CAMTA1: variants seen among roughly 807,000 people sequenced by gnomAD.
CAMTA1 encodes calmodulin binding transcription activator 1.
CAMTA1 carries 27 observed loss-of-function variants against 170.9 expected under a neutral mutation model. That is an observed-to-expected ratio of 0.16 (90% confidence interval 0.12 to 0.22). The LOEUF is 0.22. CAMTA1 is among the 10% of genes least tolerant of loss of function. The pLI is 1.00. For missense variants in CAMTA1, 1,619 were observed against 2,217.2 expected, an observed-to-expected ratio of 0.73 and a Z score of 5.42; for synonymous variants, 833 against 891.5, an observed-to-expected ratio of 0.93 and a Z score of 1.17.
chr1:7,448,118 G>T (rs945688430), intron 5 of CAMTA1, among the ~76,000 whole-genome samples: 4 of 152,150 alleles, frequency 2.6e-5, no homozygotes, highest in African/African-American at 9.7e-5. Context: ...AGGGAGTCTT[G>T]GTGCCCAAGC....
At chr1:6,950,682 C>G (rs982501843) in intron 3 of CAMTA1, among the ~76,000 whole-genome samples, 1 of 152,146 alleles carries the variant, frequency 6.6e-6, no homozygotes, top group African/African-American at 2.4e-5. Context: ...TCCTTTGCAG[C>G]TCACTGGGCA....
chr1:7,717,026 A>G (rs183496773), intron 11 of CAMTA1, among the ~76,000 whole-genome samples: 1 of 152,316 alleles, frequency 6.6e-6, no homozygotes, highest in East Asian at 1.9e-4. Flanking sequence ...AGGCACAGAA[A>G]GACAAATGCC....
At chr1:6,846,491 G>T (rs1658203309) in intron 3 of CAMTA1, among the ~76,000 whole-genome samples, 1 of 152,198 alleles carries the variant, frequency 6.6e-6, no homozygotes, top group African/African-American at 2.4e-5. Flanking sequence ...TAAGGAAATG[G>T]ATATGAAGGT....
chr1:7,663,291 C>CAT, intron 8 of CAMTA1, 62 bp from the exon 9 acceptor site: 1 of 1,505,046 alleles, frequency 6.6e-7, no homozygotes, highest in Non-Finnish European at 8.9e-7. Context: ...TTTGTGTGTG[C>CAT]ATGTGTGTGT....
At chr1:7,343,759 GC>G (rs2084014673) in intron 5 of CAMTA1, among the ~76,000 whole-genome samples, 1 of 152,036 alleles carries the variant, frequency 6.6e-6, no homozygotes, top group South Asian at 2.1e-4. Flanking sequence ...TTTACTTTTT[GC>G]CTGTTTTTGA....
intron 5 of CAMTA1, among the ~76,000 whole-genome samples, chr1:7,462,092 A>G (rs1417315710): frequency 6.6e-6 from 1 of 152,216 alleles, no homozygotes; most frequent in Non-Finnish European, 1.5e-5. Context: ...CAGGTCAGCA[A>G]GCAATGCTCC....
At chr1:7,695,353 A>G (rs779514150) in intron 11 of CAMTA1, among the ~76,000 whole-genome samples, 11 of 152,188 alleles carry the variant, frequency 7.2e-5, no homozygotes, top group Non-Finnish European at 1.0e-4. Flanking sequence ...AAGGCCCCCA[A>G]TTGCACTCAA....
chr1:7,695,317 G>A (rs1365007221), intron 11 of CAMTA1, among the ~76,000 whole-genome samples: 1 of 152,238 alleles, frequency 6.6e-6, no homozygotes, highest in Non-Finnish European at 1.5e-5. Flanking sequence ...AGAGAGAAGA[G>A]GGCGCGGCAG....
rs1268539605 is a variant in CAMTA1 at position 7,426,421 on chromosome 1, C to T, written c.439-41409C>T. ...TGATCTCCCCCAAAAAACTGCCTAC[C>T]TGGGTTTCCAACTTGCAGCCCATTA... On this transcript the variant is annotated intron_variant, in intron 5 of 22. Transcript: ENST00000303635. This position sits in a 1 kb window ranked among gnomAD's most constrained non-coding sequence, Gnocchi z 4.8. Among the ~76,000 whole-genome samples, 4 of 152,242 alleles carry T rather than the reference C, an allele frequency of 2.6e-5. No individual in the cohort carries two copies. The highest frequency in any genetic ancestry group is 5.9e-5 in the Non-Finnish European group (4 of 68,046).
Position 7,299,005 on chromosome 1 carries a change from G to A in CAMTA1, c.438+49379G>A, listed in dbSNP as rs183369414. ...GGAGGCTATTTGCTTTGACTAAGGGGCCAAGATGATGAAGTCAGATGTCCT... is the reference window on the plus strand; with the variant it reads ...GGAGGCTATTTGCTTTGACTAAGGGACCAAGATGATGAAGTCAGATGTCCT... On this transcript the variant is annotated intron_variant, in intron 5 of 22. Coordinates refer to ENST00000303635, the MANE Select transcript of CAMTA1 (RefSeq NM_015215.4). The surrounding 1 kb of genome is among the most constrained non-coding windows in gnomAD (Gnocchi z 4.7). Among the ~76,000 whole-genome samples the A allele has an allele frequency of 6.6e-6, 1 of 152,258 alleles. No individual in the cohort carries two copies. Among genetic ancestry groups the A allele is most frequent in the Admixed American group, 6.5e-5 (1 of 15,310 alleles).
intron 16 of CAMTA1, among the ~76,000 whole-genome samples, chr1:7,741,107 T>A (rs2032562): frequency 6.6e-6 from 1 of 151,970 alleles, no homozygotes; most frequent in African/African-American, 2.4e-5. Context: ...ATGTTTAAAC[T>A]ATCTCCTAGA....
rs192086980 is a variant in CAMTA1, at chr1:7,608,945, A to G, written c.511-31455A>G. Among the ~76,000 whole-genome samples, 914 of 152,148 alleles carry G rather than the reference A, an allele frequency of 6.0e-3. 7 individuals carry two copies. The highest frequency in any genetic ancestry group is 9.0e-3 in the Non-Finnish European group (615 of 68,010). On this transcript the variant is annotated intron_variant, in intron 6 of 22. Coordinates refer to ENST00000303635, the MANE Select transcript of CAMTA1 (RefSeq NM_015215.4). ...TTGAGCCCTACCTGGCCTTTTCTAG[A>G]AGGACATTCTATGGGGAAATTCTAA... is the stretch of plus-strand genomic sequence containing the variant.
chr1:7,396,775 A>T (rs954982418), intron 5 of CAMTA1, among the ~76,000 whole-genome samples: 4 of 152,172 alleles, frequency 2.6e-5, no homozygotes, highest in African/African-American at 9.6e-5. Flanking sequence ...GTCCTTGATT[A>T]TGTTAATGTG....
intron 6 of CAMTA1, among the ~76,000 whole-genome samples, chr1:7,539,841 C>T (rs2094588865): frequency 6.6e-6 from 1 of 152,232 alleles, no homozygotes; most frequent in South Asian, 2.1e-4. Flanking sequence ...ATAGGCATCT[C>T]ATGAGTCAGA....
intron 6 of CAMTA1, among the ~76,000 whole-genome samples, chr1:7,626,549 G>C (rs2095634864): frequency 6.6e-6 from 1 of 152,214 alleles, no homozygotes; most frequent in African/African-American, 2.4e-5. Context: ...AATGCCACTT[G>C]TGGTGAACAG....
chr1:7,298,406 T>G (rs1674289505), intron 5 of CAMTA1, among the ~76,000 whole-genome samples: 1 of 152,164 alleles, frequency 6.6e-6, no homozygotes, highest in Non-Finnish European at 1.5e-5. Flanking sequence ...GGAATGTATT[T>G]CTACTCTGAG....
At chr1:7,646,336 G>A (rs946907825) in intron 7 of CAMTA1, among the ~76,000 whole-genome samples, 14 of 148,038 alleles carry the variant, frequency 9.5e-5, no homozygotes, top group Non-Finnish European at 1.2e-4. Context: ...TGGAGGCCAC[G>A]GTGAGTTGGG....
At chr1:6,999,566 AG>A (rs1697877098) in intron 3 of CAMTA1, among the ~76,000 whole-genome samples, 1 of 152,116 alleles carries the variant, frequency 6.6e-6, no homozygotes, top group Non-Finnish European at 1.5e-5. Flanking sequence ...GTGTTTTTGT[AG>A]AGACGGGGCT....
Position 7,738,380 on chromosome 1 carries a change from T to G in CAMTA1, c.4080T>G (p.Ser1360Arg), listed in dbSNP as rs749301248. 6.2e-7 allele frequency: 1 copy of G among 1,613,874 alleles called. No individual in the cohort carries two copies. ...AGGTGCGTCCACGGGAACCAATGAG[T>G]GTCCTGATGATGGCTAACAGAGAGG... ...PSQVRPREPM[S>R]VLMMANREVV... The change falls in exon 16 of 23, where the codon AGT (serine) becomes AGG (arginine). Residue 1360 changes from serine (S) to arginine (R), a missense_variant. Physicochemically the swap from Ser to Arg is moderately radical, Grantham distance 110. This residue lies in a region of CAMTA1 where 370 missense variants were observed against 429.4 expected (regional missense o/e 0.86). Transcript: ENST00000303635. The surrounding 1 kb of genome is among the most constrained non-coding windows in gnomAD (Gnocchi z 4.9).
Sources: allele counts gnomAD v4.1 joint callset (sites outside exome capture counted in the v4.1 genomes callset), GRCh38; gene constraint gnomAD v4.1.1; regional missense constraint gnomAD v4.1.1; non-coding constraint Gnocchi (gnomAD v3.1); transcripts MANE v1.5; gene names NCBI Gene and HGNC (gene_info 2026-07-23, HGNC 2026-07-21).